The following CALN1 variants were observed in gnomAD, a reference collection of about 807,000 sequenced individuals.
The protein encoded by CALN1 is calcium-binding protein 8.
A neutral mutation model predicts 30.6 loss-of-function variants in CALN1; 17 were observed. That is an observed-to-expected ratio of 0.56 (90% confidence interval 0.38 to 0.83). CALN1 has a LOEUF of 0.83. Among genes scored for constraint, CALN1 ranks in the 40% least tolerant of loss-of-function variants. The pLI, the probability that CALN1 is intolerant of heterozygous loss-of-function variation, is 0.00. For missense variants in CALN1, 291 were observed against 354.9 expected (o/e 0.82, Z 1.45); for synonymous variants, 156 against 131.4 (o/e 1.19, Z -1.28).
chr7:72,093,758 C>A (rs1426587873), intron 4 of CALN1, among the ~76,000 whole-genome samples: 3 of 152,016 alleles, frequency 2.0e-5, no homozygotes, highest in Non-Finnish European at 2.9e-5. Flanking sequence ...CTAAAATAAT[C>A]ACTTATTTCT....
chr7:72,189,931 A>AG (rs1411634442), intron 3 of CALN1, among the ~76,000 whole-genome samples: 1 of 152,108 alleles, frequency 6.6e-6, no homozygotes, highest in Non-Finnish European at 1.5e-5. Flanking sequence ...GTCTGCTAGT[A>AG]GATTATTTTA....
chr7:71,902,018 G>C (rs1217377430), intron 5 of CALN1, among the ~76,000 whole-genome samples: 2 of 152,104 alleles, frequency 1.3e-5, no homozygotes, highest in Non-Finnish European at 2.9e-5. Context: ...TACAAACTCT[G>C]CATCCAACAA....
At chr7:72,500,933 A>ATG in the CALN1 span, among the ~76,000 whole-genome samples, 1 of 152,082 alleles carries the variant, frequency 6.6e-6, no homozygotes, top group Non-Finnish European at 1.5e-5. Flanking sequence ...ACAGTACCTA[A>ATG]ATTGTTGAAT....
intron 4 of CALN1, among the ~76,000 whole-genome samples, chr7:72,071,204 T>C (rs1328287847): frequency 6.6e-6 from 1 of 152,156 alleles, no homozygotes; most frequent in Non-Finnish European, 1.5e-5. Flanking sequence ...CTGGAGCAGC[T>C]TGCATGCAGC....
At chr7:71,987,711 G>A (rs1798746637) in intron 5 of CALN1, among the ~76,000 whole-genome samples, 2 of 152,200 alleles carry the variant, frequency 1.3e-5, no homozygotes, top group African/African-American at 4.8e-5. Context: ...TTGAGCAGAG[G>A]CGTGACCTTG....
intron 2 of CALN1, among the ~76,000 whole-genome samples, chr7:72,339,676 C>G (rs1585537359): frequency 6.6e-6 from 1 of 152,242 alleles, no homozygotes; most frequent in East Asian, 1.9e-4. Context: ...ACTCACAGTT[C>G]CACATGGCTG....
At chr7:72,503,575 T>C in the CALN1 span, among the ~76,000 whole-genome samples, 226 of 152,266 alleles carry the variant, frequency 1.5e-3, no homozygotes, top group Admixed American at 2.4e-3. Flanking sequence ...TTTTCTCCAA[T>C]TTGCTATTCA....
At chr7:72,007,006 T>C (rs1799805578) in intron 5 of CALN1, among the ~76,000 whole-genome samples, 5 of 152,196 alleles carry the variant, frequency 3.3e-5, no homozygotes, top group Admixed American at 2.6e-4. Flanking sequence ...TGCTTGTACA[T>C]GAAATCATAT....
At chr7:72,115,572 T>C (rs1481943298) in intron 3 of CALN1, among the ~76,000 whole-genome samples, 1 of 128,632 alleles carries the variant, frequency 7.8e-6, no homozygotes, top group East Asian at 2.7e-4. Context: ...CACTGCAACC[T>C]CCATCTCCTG....
At chr7:71,954,645 C>T (rs551592010) in intron 5 of CALN1, among the ~76,000 whole-genome samples, 19 of 152,266 alleles carry the variant, frequency 1.2e-4, no homozygotes, top group African/African-American at 4.3e-4. Flanking sequence ...GAGTAAGACC[C>T]TGTCTCAAAC....
At chr7:72,338,129 C>A (rs898912971) in intron 2 of CALN1, among the ~76,000 whole-genome samples, 2 of 152,132 alleles carry the variant, frequency 1.3e-5, no homozygotes, top group Non-Finnish European at 2.9e-5. Flanking sequence ...GTCCCGTAGA[C>A]AGATTAGACG....
chr7:72,001,156 T>C (rs1035789986), intron 5 of CALN1, among the ~76,000 whole-genome samples: 11 of 148,510 alleles, frequency 7.4e-5, no homozygotes, highest in African/African-American at 2.2e-4. Flanking sequence ...AACCTGAAAC[T>C]GGTGATCAGC....
chr7:72,402,452 G>T (rs1218661612), intron 2 of CALN1, among the ~76,000 whole-genome samples: 1 of 152,140 alleles, frequency 6.6e-6, no homozygotes, highest in Non-Finnish European at 1.5e-5. Flanking sequence ...TAAAGCTGGA[G>T]ATCCCATTCT....
At chr7:71,830,230 A>G (rs1244470965) in intron 5 of CALN1, among the ~76,000 whole-genome samples, 1 of 151,776 alleles carries the variant, frequency 6.6e-6, no homozygotes, top group Non-Finnish European at 1.5e-5. Flanking sequence ...TTTAGTAGAG[A>G]TGGGTTTTCT....
intron 5 of CALN1, among the ~76,000 whole-genome samples, chr7:71,897,035 T>C (rs1793568015): frequency 6.6e-6 from 1 of 152,080 alleles, no homozygotes; most frequent in African/African-American, 2.4e-5. Context: ...TAGCAGAAAC[T>C]TATTGGAGGG....
At chr7:72,309,374 G>A (rs1385882806) in intron 2 of CALN1, among the ~76,000 whole-genome samples, 3 of 152,084 alleles carry the variant, frequency 2.0e-5, no homozygotes, top group Admixed American at 6.6e-5. Context: ...CACCCAAGAA[G>A]GGACTCAAAA....
chr7:72,242,035 C>T (rs1483756763), intron 3 of CALN1, among the ~76,000 whole-genome samples: 1 of 152,120 alleles, frequency 6.6e-6, no homozygotes, highest in Non-Finnish European at 1.5e-5. Context: ...GTTAAACAAC[C>T]CTATTCCTCC....
intron 5 of CALN1, among the ~76,000 whole-genome samples, chr7:71,927,629 A>T (rs1795335678): frequency 6.6e-6 from 1 of 152,014 alleles, no homozygotes; most frequent in South Asian, 2.1e-4. Context: ...TACCTCAGAG[A>T]AGGTCCCTTT....
intron 1 of CALN1, among the ~76,000 whole-genome samples, chr7:72,440,800 C>A (rs1808321323): frequency 6.6e-6 from 1 of 152,214 alleles, no homozygotes; most frequent in Non-Finnish European, 1.5e-5. Flanking sequence ...GCACTCCAGC[C>A]TCAGCAACAG....
Sources: gnomAD v4.1 joint callset for allele counts (sites outside exome capture counted in the v4.1 genomes callset) on GRCh38, gnomAD v4.1.1 for gene constraint, MANE v1.5 for transcripts, NCBI Gene and HGNC (gene_info 2026-07-23, HGNC 2026-07-21) for gene names.